PPP2R5C: variants seen among roughly 807,000 people sequenced by gnomAD.
PPP2R5C encodes the protein serine/threonine-protein phosphatase 2A 56 kDa regulatory subunit gamma isoform.
In PPP2R5C, 7 loss-of-function variants were observed where a neutral mutation model predicts 68.9. That is an observed-to-expected ratio of 0.10 (90% CI 0.06 to 0.19). The LOEUF (loss-of-function observed/expected upper bound fraction) is 0.19, where lower values mean the gene tolerates loss of function less well. Among genes scored for constraint, PPP2R5C ranks in the 10% least tolerant of loss-of-function variants. The pLI is 1.00. For synonymous variants in PPP2R5C, 210 were observed against 222.2 expected (o/e 0.95, Z 0.49); for missense variants, 348 against 641.3 (o/e 0.54, Z 4.94).
At chr14:101,810,645 T>G (rs2039307776) in intron 1 of PPP2R5C, among the ~76,000 whole-genome samples, 1 of 152,224 alleles carries the variant, frequency 6.6e-6, no homozygotes, top group South Asian at 2.1e-4. Flanking sequence ...TCGTGGAATA[T>G]TAGGAAATAT....
chr14:101,894,069 T>C (rs2045144958), intron 7 of PPP2R5C, among the ~76,000 whole-genome samples: 1 of 152,252 alleles, frequency 6.6e-6, no homozygotes, highest in African/African-American at 2.4e-5. Flanking sequence ...CTAGAACATA[T>C]TTATTTTCTC....
chr14:101,842,706 T>C (rs890677190), intron 1 of PPP2R5C, among the ~76,000 whole-genome samples: 1 of 151,494 alleles, frequency 6.6e-6, no homozygotes, highest in Admixed American at 6.6e-5. Context: ...CTGGCATGGG[T>C]AGACCAGCCT....
chr14:101,825,211 CGTGT>C lies in PPP2R5C; in HGVS notation c.94+15210_94+15213del, dbSNP rs10588262. ...AGGGATAGGATAAGAGGGTTTTCAG[CGTGT>C]GTGTGTGTGTGTGTGTGTGTGTGTG... On this transcript the variant is annotated intron_variant, in intron 1 of 13. Coordinates refer to ENST00000334743, the Ensembl canonical transcript of PPP2R5C. This position sits in a 1 kb window ranked among gnomAD's most constrained non-coding sequence, Gnocchi z 4.0. 0.017 allele frequency among the ~76,000 whole-genome samples: 2,490 copies of C among 142,494 alleles called. 12 individuals carry two copies. The highest frequency in any genetic ancestry group is 0.043 in the Middle Eastern group (12 of 280). The allele number at this position is 142,494 out of a possible 152,430, so 93.5% of individuals were successfully genotyped here. A position where few individuals can be genotyped will look rare whatever the true frequency, so the allele number is the denominator to read the frequency against.
intron 3 of PPP2R5C, among the ~76,000 whole-genome samples, chr14:101,791,883 G>A (rs1416720034): frequency 1.3e-5 from 2 of 152,056 alleles, no homozygotes; most frequent in Non-Finnish European, 2.9e-5. Context: ...TTATTTCCTT[G>A]TGTACCTGAT....
intron 2 of PPP2R5C, among the ~76,000 whole-genome samples, chr14:101,773,193 A>G (rs928482341): frequency 1.3e-5 from 2 of 152,104 alleles, no homozygotes; most frequent in Non-Finnish European, 2.9e-5. Context: ...ACAGAAGTGG[A>G]GTGTGGAGCT....
intron 2 of PPP2R5C, among the ~76,000 whole-genome samples, chr14:101,867,035 G>T (rs1332351606): frequency 3.3e-5 from 5 of 152,128 alleles, no homozygotes; most frequent in Non-Finnish European, 1.5e-5. Context: ...TGGCCAACGT[G>T]GTGGAACCCT....
chr14:101,909,581 CT>C lies in PPP2R5C; in HGVS notation c.1152-5del, dbSNP rs2046271683. ...GCTCCCAGGCTCACCGTGCGGTTTTCTTTATAGGACAATACATGGCTTGATA... is the reference window on the plus strand; with the variant it reads ...GCTCCCAGGCTCACCGTGCGGTTTTCTTATAGGACAATACATGGCTTGATA... On this transcript the variant is annotated splice_polypyrimidine_tract_variant and splice_region_variant and intron_variant, in intron 10 of 13. Coordinates refer to ENST00000334743, the Ensembl canonical transcript of PPP2R5C. 6.3e-7 allele frequency: 1 copy of C among 1,592,982 alleles called. No individual in the cohort carries two copies. Among genetic ancestry groups the C allele is most frequent in the Non-Finnish European group, 8.6e-7 (1 of 1,162,002 alleles).
chr14:101,809,172 T>C (rs1595217829), upstream of PPP2R5C, among the ~76,000 whole-genome samples: 1 of 152,216 alleles, frequency 6.6e-6, no homozygotes, highest in African/African-American at 2.4e-5. Flanking sequence ...CCAGGTGATA[T>C]AAATATTTCA....
chr14:101,815,973 C>T (rs982254738), intron 1 of PPP2R5C, among the ~76,000 whole-genome samples: 1 of 152,202 alleles, frequency 6.6e-6, no homozygotes, highest in African/African-American at 2.4e-5. Flanking sequence ...CCCGGCCTAT[C>T]TGATGTATTT....
intron 2 of PPP2R5C, among the ~76,000 whole-genome samples, chr14:101,768,538 A>G (rs1355742282): frequency 6.6e-6 from 1 of 152,174 alleles, no homozygotes; most frequent in Non-Finnish European, 1.5e-5. Context: ...ATTTGCTGAG[A>G]AAAGTGGCAT....
At chr14:101,809,867 T>C (rs1244562507), upstream of PPP2R5C, 41 of 1,559,886 alleles carry the variant, frequency 2.6e-5, no homozygotes, top group Non-Finnish European at 3.4e-5. Flanking sequence ...CTTCAGTTTG[T>C]CTTTTTTTTT....
At chr14:101,807,604 G>T (rs1439026499), upstream of PPP2R5C, among the ~76,000 whole-genome samples, 1 of 152,130 alleles carries the variant, frequency 6.6e-6, no homozygotes, top group East Asian at 1.9e-4. Flanking sequence ...CAATTCAGAA[G>T]TACACCTTAC....
intron 3 of PPP2R5C, among the ~76,000 whole-genome samples, chr14:101,795,800 C>T (rs1343459492): frequency 2.0e-5 from 3 of 152,128 alleles, no homozygotes; most frequent in African/African-American, 7.2e-5. Flanking sequence ...CATGCAAATA[C>T]AATACTTCAC....
intron 6 of PPP2R5C, among the ~76,000 whole-genome samples, chr14:101,890,893 C>T (rs1431766991): frequency 1.3e-5 from 2 of 151,554 alleles, no homozygotes; most frequent in African/African-American, 2.4e-5. Context: ...CTGCCTCAGC[C>T]TCCCGAGTAG....
In PPP2R5C at chr14:101,917,896, A is replaced by G. The variant is rs762706220; in HGVS notation, c.1392A>G (p.Leu464=). The G allele has an allele frequency of 3.7e-6, 6 of 1,613,852 alleles. No homozygotes were observed. The South Asian group carries it at 5.5e-5, about 15-fold the overall frequency. ...TTGCAATGGAGACAGATGGGCCTTT[A>G]TTTGAAGATGTGCAGATGCTGAGAA... Residue 464 remains leucine, a synonymous_variant, in exon 13 of 14, where the codon TTA becomes TTG. Transcript: ENST00000334743. The surrounding 1 kb of genome is among the most constrained non-coding windows in gnomAD (Gnocchi z 4.4).
chr14:101,794,910 GC>G (rs1158593716), intron 3 of PPP2R5C, among the ~76,000 whole-genome samples: 12 of 152,264 alleles, frequency 7.9e-5, no homozygotes, highest in African/African-American at 2.9e-4. Context: ...ATTAATTAGA[GC>G]ATCTGCACAT....
intron 13 of PPP2R5C, 30 bp from the exon 16 acceptor site, chr14:101,925,111 T>C: frequency 6.2e-7 from 1 of 1,612,250 alleles, no homozygotes; most frequent in Non-Finnish European, 8.5e-7. Context: ...GCTTAGTTTG[T>C]AGCCAACGCC....
chr14:101,910,415 G>T lies in PPP2R5C; in HGVS notation c.1253+725G>T, dbSNP rs1280165457. On this transcript the variant is annotated intron_variant, in intron 11 of 13. Transcript: ENST00000334743. Reference sequence around the variant, plus strand: ...TGTGTGTATCTATGTGTGTGTGTGTGTGTGTATATATATGAAACAACTGCC... The same window carrying T: ...TGTGTGTATCTATGTGTGTGTGTGTTTGTGTATATATATGAAACAACTGCC... Among the ~76,000 whole-genome samples, 4 of 152,260 alleles carry T rather than the reference G, an allele frequency of 2.6e-5. No homozygotes were observed. The East Asian group carries it at 7.7e-4, about 29-fold the overall frequency.
At chr14:101,867,601 A>T (rs924085328) in intron 2 of PPP2R5C, among the ~76,000 whole-genome samples, 2 of 151,950 alleles carry the variant, frequency 1.3e-5, no homozygotes, top group African/African-American at 4.8e-5. Flanking sequence ...AGTATGGTGT[A>T]ACCTCATCTC....
Sources: gnomAD v4.1 joint callset for allele counts (sites outside exome capture counted in the v4.1 genomes callset) on GRCh38, gnomAD v4.1.1 for gene constraint, Gnocchi (gnomAD v3.1) non-coding constraint, MANE v1.5 for transcripts, NCBI Gene and HGNC (gene_info 2026-07-23, HGNC 2026-07-21) for gene names.